CXorf38: variants seen among roughly 807,000 people sequenced by gnomAD.
CXorf38 encodes the protein chromosome X open reading frame 38, also known as uncharacterized protein CXorf38.
A neutral mutation model predicts 27.5 loss-of-function variants in CXorf38; 13 were observed. The observed-to-expected ratio is 0.47, with a 90% CI of 0.31 to 0.75. The LOEUF is 0.75. Ranked by LOEUF, CXorf38 falls within the 30% of genes least tolerant of loss-of-function variation. The pLI is 0.05. For missense variants in CXorf38, 240 were observed against 253.2 expected (o/e 0.95, Z 0.35); for synonymous variants, 100 against 99.8 (o/e 1.00, Z -0.01).
chrX:40,647,473 C>A lies in CXorf38; in HGVS notation c.48G>T (p.Lys16Asn). 1 of 1,191,258 alleles carries A rather than the reference C, an allele frequency of 8.4e-7. No homozygotes were observed. Among genetic ancestry groups the A allele is most frequent in the Non-Finnish European group, 1.1e-6 (1 of 888,168 alleles). Residue 16 changes from lysine (K) to asparagine (N), a missense_variant, in exon 1 of 7, where the codon AAG becomes AAT. Lys to Asn is a moderately conservative substitution (Grantham distance 94). Coordinates refer to ENST00000327877, the MANE Select transcript of CXorf38 (RefSeq NM_144970.3). The stretch of plus-strand genomic sequence containing the variant: ...GGCAGTGGCCCGCCTTCACCCAGTT[C>A]TTGTACTCGGCGCAGTTGAGGCGCG... The part of the protein sequence containing the change: ...LAARLNCAEY[K>N]NWVKAGHCLL...
intron 2 of CXorf38, among the ~76,000 whole-genome samples, chrX:40,646,511 A>G (rs1414781571): frequency 8.9e-6 from 1 of 111,813 alleles, no homozygotes; most frequent in Non-Finnish European, 1.9e-5. Flanking sequence ...AGATCTGAAG[A>G]CAGATCCGGC....
rs1432088102 is a variant in CXorf38, at chrX:40,631,295, A to ATG, written c.802-524_802-523dup. On this transcript the variant is annotated intron_variant, in intron 5 of 6. Transcript: ENST00000327877. ...CACACACACACACACACACACGTGTATGTGTGTGTGTGTATATTTTTTGTT... is the reference window on the plus strand; with the variant it reads ...CACACACACACACACACACACGTGTATGTGTGTGTGTGTGTATATTTTTTGTT... 2.5e-4 allele frequency among the ~76,000 whole-genome samples: 24 copies of ATG among 97,617 alleles called. No homozygotes were observed. The South Asian group carries it at 9.2e-3, about 38-fold the overall frequency. The allele number at this position is 97,617 out of a possible 115,157, so 84.8% of individuals were successfully genotyped here.
intron 5 of CXorf38, among the ~76,000 whole-genome samples, chrX:40,632,997 C>A (rs193102334): frequency 8.9e-6 from 1 of 111,967 alleles, no homozygotes; most frequent in African/African-American, 3.2e-5. Flanking sequence ...CAACTTCACT[C>A]TTCCAGTCAC....
chrX:40,647,257 G>T, intron 1 of CXorf38, 48 bp downstream of exon 1: 1 of 1,101,023 alleles, frequency 9.1e-7, no homozygotes, highest in Non-Finnish European at 1.2e-6. Flanking sequence ...CGGGGATGAG[G>T]AGGGGTGGGG....
At position 40,637,123 on chromosome X, in the gene CXorf38, A is replaced by G; in HGVS notation, c.505T>C (p.Ser169Pro). 1 of 1,203,289 alleles carries G rather than the reference A, an allele frequency of 8.3e-7. No individual in the cohort carries two copies. The highest frequency in any genetic ancestry group is 1.1e-6 in the Non-Finnish European group (1 of 890,615). Residue 169 changes from serine (S) to proline (P), a missense_variant, in exon 4 of 7, where the codon TCA becomes CCA. Ser to Pro is a moderately conservative substitution (Grantham distance 74). Transcript: ENST00000327877. ...IKCRNEIMHS[S>P]EMKVSSTWLR... is the part of the protein sequence containing the mutation. ...CACGTAGAAGATACTTTCATCTCTG[A>G]AGAGTGCATGATCTCATTACGACAT...
At chrX:40,632,910 A>T (rs187952330) in intron 5 of CXorf38, among the ~76,000 whole-genome samples, 2 of 112,152 alleles carry the variant, frequency 1.8e-5, no homozygotes, top group East Asian at 5.6e-4. Flanking sequence ...CTTTTTAACT[A>T]CATTCATTCA....
Position 40,628,807 on chromosome X carries a change from A to T in CXorf38, c.*1357T>A, listed in dbSNP as rs1181256289. ...GAGCATGTGAGGGCCAGGCCCTGGG[A>T]GCTTACTTTTCAAAAGTGTACCATA... is the stretch of plus-strand genomic sequence containing the variant. On this transcript the variant is annotated 3_prime_UTR_variant, in exon 7 of 7. Transcript: ENST00000327877. 1 of 110,941 alleles carries T rather than the reference A, an allele frequency of 9.0e-6. No homozygotes were observed. The highest frequency in any genetic ancestry group is 1.9e-5 in the Non-Finnish European group (1 of 52,959). 9.1% of individuals were successfully genotyped at this position (110,941 alleles called of 1,213,427 possible).
At chrX:40,630,389 G>A (rs1927717725) in intron 6 of CXorf38, 2 of 327,827 alleles carry the variant, frequency 6.1e-6, no homozygotes, top group Non-Finnish European at 1.0e-5. Flanking sequence ...AATGACTTCA[G>A]GTGTATTTGG....
intron 2 of CXorf38, 24 bp downstream of exon 2, chrX:40,646,983 T>C: frequency 8.3e-7 from 1 of 1,202,116 alleles, no homozygotes; most frequent in South Asian, 1.8e-5. Flanking sequence ...GCTTCCTCCT[T>C]CCGTCCCCGC....
intron 2 of CXorf38, among the ~76,000 whole-genome samples, chrX:40,646,741 A>T (rs914908914): frequency 9.0e-6 from 1 of 110,563 alleles, no homozygotes; most frequent in Non-Finnish European, 1.9e-5. Flanking sequence ...ATCTTGCCCC[A>T]GTATCTCTTG....
intron 2 of CXorf38, among the ~76,000 whole-genome samples, chrX:40,645,488 G>GT (rs200514023): frequency 0.016 from 1,791 of 111,011 alleles, 19 homozygotes; most frequent in South Asian, 0.033. Context: ...CTTTCTTTCT[G>GT]TTTTTTTTCT....
chrX:40,631,293 G>A (rs1386094967), intron 5 of CXorf38, among the ~76,000 whole-genome samples: 2 of 101,948 alleles, frequency 2.0e-5, no homozygotes, highest in Non-Finnish European at 3.9e-5. Flanking sequence ...ACACACACGT[G>A]TATGTGTGTG....
rs991983157 is a variant in CXorf38, at chrX:40,629,422, C to T, written c.*742G>A. ...CCTATCCCAACATTTATATCCCAGC[C>T]CAGCCTTGGGGATCCTGGGTGAATA... On this transcript the variant is annotated 3_prime_UTR_variant, in exon 7 of 7. Transcript: ENST00000327877. 2 of 112,113 alleles carry T rather than the reference C, an allele frequency of 1.8e-5. No individual in the cohort carries two copies. The highest frequency in any genetic ancestry group is 3.8e-5 in the Non-Finnish European group (2 of 53,228). The allele number at this position is 112,113 out of a possible 1,213,427, so 9.2% of individuals were successfully genotyped here.
chrX:40,632,116 C>A (rs1368322914), intron 5 of CXorf38, among the ~76,000 whole-genome samples: 1 of 111,995 alleles, frequency 8.9e-6, no homozygotes, highest in Non-Finnish European at 1.9e-5. Flanking sequence ...GCATCGTTAG[C>A]TCTCAGTGAC....
chrX:40,632,355 C>G (rs1433475284), intron 5 of CXorf38, among the ~76,000 whole-genome samples: 1 of 112,243 alleles, frequency 8.9e-6, no homozygotes, highest in Non-Finnish European at 1.9e-5. Context: ...GACTGATGTG[C>G]TCTGTTCCAC....
chrX:40,644,375 G>A (rs1032246134), intron 2 of CXorf38, among the ~76,000 whole-genome samples: 2 of 111,567 alleles, frequency 1.8e-5, no homozygotes, highest in Non-Finnish European at 3.8e-5. Flanking sequence ...CTCTGTAGCA[G>A]AAGGAAATAG....
At chrX:40,643,962 A>G (rs990447245) in intron 2 of CXorf38, among the ~76,000 whole-genome samples, 2 of 112,735 alleles carry the variant, frequency 1.8e-5, no homozygotes, top group Admixed American at 9.4e-5. Context: ...CCTTTGTTAC[A>G]TTGTTACAGC....
chrX:40,645,935 T>TGAGATTGGGGAGCACAAGC lies in CXorf38; in HGVS notation c.351+1071_351+1072insGCTTGTGCTCCCCAATCTC, dbSNP rs1569273385. On this transcript the variant is annotated intron_variant, in intron 2 of 6. Transcript: ENST00000327877. ...GCCCGGCCCCAATTCCTTTCATTTT[T>TGAGATTGGGGAGCACAAGC]TTTTTTTTTTTTTTTTTTTTTTTTT... 2.5e-3 allele frequency among the ~76,000 whole-genome samples: 22 copies of TGAGATTGGGGAGCACAAGC among 8,660 alleles called. 7 individuals are homozygous for TGAGATTGGGGAGCACAAGC. Among genetic ancestry groups the TGAGATTGGGGAGCACAAGC allele is most frequent in the East Asian group, 7.4e-3 (2 of 269 alleles). 7.5% of individuals were successfully genotyped at this position (8,660 alleles called of 115,157 possible). A position where few individuals can be genotyped will look rare whatever the true frequency, so the allele number is the denominator to read the frequency against.
chrX:40,644,741 G>T (rs1040670864), intron 2 of CXorf38, among the ~76,000 whole-genome samples: 2 of 111,810 alleles, frequency 1.8e-5, no homozygotes, highest in African/African-American at 6.5e-5. Context: ...CATGGATAAG[G>T]AGAGACAACT....
Sources: allele counts gnomAD v4.1 joint callset (sites outside exome capture counted in the v4.1 genomes callset), GRCh38; gene constraint gnomAD v4.1.1; transcripts MANE v1.5; gene names NCBI Gene and HGNC (gene_info 2026-07-23, HGNC 2026-07-21).